SRPK2: variants seen among roughly 807,000 people sequenced by gnomAD.
SRPK2 encodes the protein SRSF protein kinase 2.
Under a neutral mutation model 90.8 loss-of-function variants are expected in SRPK2, and 21 were observed. The ratio of observed to expected loss-of-function variants is 0.23; its 90% CI spans 0.16 to 0.33. The LOEUF (loss-of-function observed/expected upper bound fraction) is 0.33, where lower values mean the gene tolerates loss of function less well. Ranked by LOEUF, SRPK2 falls within the 10% of genes least tolerant of loss-of-function variation. The probability of loss-of-function intolerance (pLI) is 1.00; values close to 1 mark genes in which losing one functional copy is unlikely to be tolerated. For synonymous variants in SRPK2, 288 were observed against 311.1 expected (o/e 0.93, Z 0.78); for missense variants, 620 against 869.0 (o/e 0.71, Z 3.60).
At chr7:105,363,083 T>C (rs984348342) in intron 2 of SRPK2, among the ~76,000 whole-genome samples, 6 of 152,060 alleles carry the variant, frequency 3.9e-5, no homozygotes, top group Admixed American at 1.3e-4. Flanking sequence ...ATATACTTAA[T>C]GTAAATGATG....
At chr7:105,361,259 A>G (rs527503247) in intron 2 of SRPK2, among the ~76,000 whole-genome samples, 2 of 152,178 alleles carry the variant, frequency 1.3e-5, no homozygotes, top group African/African-American at 4.8e-5. Context: ...TAGGAATCCA[A>G]CTTACAAGGG....
In SRPK2 at chr7:105,351,569, G is replaced by A. The variant is rs555740231; in HGVS notation, c.71+37079C>T. On this transcript the variant is annotated intron_variant, in intron 2 of 15. Transcript: ENST00000393651. ...TGTAATCCCAGCACTTTGGGTGGCC[G>A]AGGCAGGAGGATCACCTGAGGTCAG... Among the ~76,000 whole-genome samples the A allele has an allele frequency of 1.6e-4, 25 of 151,846 alleles. 1 individual carries two copies. Among genetic ancestry groups the A allele is most frequent in the African/African-American group, 4.4e-4 (18 of 41,332 alleles).
chr7:105,311,256 C>T (rs1044861395), intron 2 of SRPK2, among the ~76,000 whole-genome samples: 5 of 151,356 alleles, frequency 3.3e-5, no homozygotes, highest in South Asian at 2.1e-4. Context: ...TTTTTTGAGA[C>T]GGAGTTTCAC....
intron 13 of SRPK2, among the ~76,000 whole-genome samples, chr7:105,130,467 T>C (rs543610423): frequency 6.6e-6 from 1 of 152,180 alleles, no homozygotes; most frequent in African/African-American, 2.4e-5. Flanking sequence ...GGAGGATCAC[T>C]TGAGCTTGGG....
intron 2 of SRPK2, among the ~76,000 whole-genome samples, chr7:105,387,590 G>GA (rs1406742428): frequency 1.3e-5 from 2 of 150,648 alleles, no homozygotes; most frequent in African/African-American, 4.9e-5. Flanking sequence ...ACGAGAAGGG[G>GA]AAAAAAGTGA....
chr7:105,384,111 G>C (rs1339221717), intron 2 of SRPK2, among the ~76,000 whole-genome samples: 1 of 151,966 alleles, frequency 6.6e-6, no homozygotes, highest in Non-Finnish European at 1.5e-5. Flanking sequence ...TATGGTATGT[G>C]AACTATATCC....
At chr7:105,329,313 T>C (rs963459449) in intron 2 of SRPK2, among the ~76,000 whole-genome samples, 1 of 151,952 alleles carries the variant, frequency 6.6e-6, no homozygotes, top group African/African-American at 2.4e-5. Context: ...ATGGATAAGG[T>C]AGTTTTGAGA....
At chr7:105,360,726 G>A (rs1010924190) in intron 2 of SRPK2, among the ~76,000 whole-genome samples, 12 of 152,238 alleles carry the variant, frequency 7.9e-5, no homozygotes, top group Middle Eastern at 3.4e-3. Flanking sequence ...GGTTTCTGCC[G>A]AGAGATCCGC....
At chr7:105,238,352 GGA>G (rs1800386538) in intron 2 of SRPK2, among the ~76,000 whole-genome samples, 1 of 152,208 alleles carries the variant, frequency 6.6e-6, no homozygotes, top group African/African-American at 2.4e-5. Flanking sequence ...TCCCACTCCA[GGA>G]GCCTCAGGAG....
intron 3 of SRPK2, among the ~76,000 whole-genome samples, chr7:105,170,966 AG>A (rs1274236302): frequency 8.2e-4 from 7 of 8,586 alleles, no homozygotes; most frequent in African/African-American, 2.8e-3. Context: ...AAAGAAAGAA[AG>A]AGAAAGAAAG....
At chr7:105,193,833 C>G (rs1271160946) in intron 3 of SRPK2, among the ~76,000 whole-genome samples, 1 of 152,168 alleles carries the variant, frequency 6.6e-6, no homozygotes, top group Non-Finnish European at 1.5e-5. Flanking sequence ...CCAGATGTAA[C>G]TAGCTACTAT....
At chr7:105,261,178 T>A (rs1327511618) in intron 2 of SRPK2, among the ~76,000 whole-genome samples, 5 of 152,214 alleles carry the variant, frequency 3.3e-5, no homozygotes, top group Non-Finnish European at 5.9e-5. Flanking sequence ...ATTTCCATTG[T>A]ATATTAAATG....
chr7:105,149,391 C>G (rs539192393), intron 7 of SRPK2, among the ~76,000 whole-genome samples: 191 of 152,244 alleles, frequency 1.3e-3, no homozygotes, highest in African/African-American at 2.8e-3. Context: ...GACATAGATT[C>G]TATTGCTCAC....
At chr7:105,167,319 G>C (rs779197596) in intron 6 of SRPK2, 58 bp downstream of exon 6, 4 of 1,431,692 alleles carry the variant, frequency 2.8e-6, no homozygotes, top group Non-Finnish European at 3.9e-6. Flanking sequence ...ATAGGAGCTT[G>C]AAATATTTTC....
chr7:105,187,963 T>A (rs1052752083), intron 3 of SRPK2, among the ~76,000 whole-genome samples: 1 of 152,138 alleles, frequency 6.6e-6, no homozygotes, highest in East Asian at 1.9e-4. Flanking sequence ...GACACAGCCA[T>A]CTGGGGAAAT....
chr7:105,297,124 A>G (rs1349242417), intron 2 of SRPK2, among the ~76,000 whole-genome samples: 1 of 152,196 alleles, frequency 6.6e-6, no homozygotes, highest in Non-Finnish European at 1.5e-5. Flanking sequence ...ACAGTAACTC[A>G]CAGGTATGAT....
chr7:105,243,379 G>A (rs1801082094), intron 2 of SRPK2, among the ~76,000 whole-genome samples: 1 of 152,136 alleles, frequency 6.6e-6, no homozygotes, highest in Non-Finnish European at 1.5e-5. Context: ...AGGATCAAAG[G>A]TGGCAAGATT....
chr7:105,329,902 G>GCA (rs1814079826), intron 2 of SRPK2, among the ~76,000 whole-genome samples: 1 of 151,756 alleles, frequency 6.6e-6, no homozygotes, highest in Non-Finnish European at 1.5e-5. Flanking sequence ...GGGTGTGGCG[G>GCA]CACACACCTC....
intron 2 of SRPK2, among the ~76,000 whole-genome samples, chr7:105,305,145 A>G (rs1000653532): frequency 3.2e-4 from 49 of 152,362 alleles, no homozygotes; most frequent in African/African-American, 1.1e-3. Context: ...TATTTAACAA[A>G]AATCCTGTTG....
Sources: allele counts gnomAD v4.1 joint callset (sites outside exome capture counted in the v4.1 genomes callset), GRCh38; gene constraint gnomAD v4.1.1; transcripts MANE v1.5; gene names NCBI Gene and HGNC (gene_info 2026-07-23, HGNC 2026-07-21).